RABGAP1L: variants seen among roughly 807,000 people sequenced by gnomAD.
RABGAP1L encodes RAB GTPase activating protein 1 like, also known as rab GTPase-activating protein 1-like.
Under a neutral mutation model 137.7 loss-of-function variants are expected in RABGAP1L, and 63 were observed. That is an observed-to-expected ratio of 0.46 (90% confidence interval 0.37 to 0.56). RABGAP1L has a LOEUF of 0.56. Ranked by LOEUF, RABGAP1L falls within the 20% of genes least tolerant of loss-of-function variation. The pLI is 0.00. For synonymous variants in RABGAP1L, 431 were observed against 433.7 expected, an observed-to-expected ratio of 0.99 and a Z score of 0.08; for missense variants, 1,095 against 1,244.0, an observed-to-expected ratio of 0.88 and a Z score of 1.80.
At chr1:174,650,500 C>T (rs1222812604) in intron 14 of RABGAP1L, among the ~76,000 whole-genome samples, 1 of 150,210 alleles carries the variant, frequency 6.7e-6, no homozygotes, top group African/African-American at 2.4e-5. Flanking sequence ...TGATTATTGC[C>T]ACAATTTCAG....
intron 1 of RABGAP1L, among the ~76,000 whole-genome samples, chr1:174,182,535 G>T (rs1030714278): frequency 2.0e-5 from 3 of 152,146 alleles, no homozygotes; most frequent in African/African-American, 2.4e-5. Flanking sequence ...GTAGGTTTTA[G>T]TCAAAAGATG....
chr1:174,196,077 C>T (rs1266938402), intron 1 of RABGAP1L, among the ~76,000 whole-genome samples: 4 of 151,622 alleles, frequency 2.6e-5, no homozygotes, highest in African/African-American at 9.7e-5. Flanking sequence ...CCTCGTGATC[C>T]GCCCACCTTG....
chr1:174,603,692 A>G (rs560230881), intron 13 of RABGAP1L, among the ~76,000 whole-genome samples: 7 of 152,106 alleles, frequency 4.6e-5, no homozygotes, highest in African/African-American at 1.2e-4. Context: ...GCACAGCACT[A>G]GTTCTCACCC....
chr1:174,397,306 A>G (rs1647988045), intron 13 of RABGAP1L, among the ~76,000 whole-genome samples: 2 of 152,104 alleles, frequency 1.3e-5, no homozygotes, highest in African/African-American at 4.8e-5. Flanking sequence ...CAAAAGCCAT[A>G]TTTTCTCTGG....
intron 14 of RABGAP1L, among the ~76,000 whole-genome samples, chr1:174,659,293 C>T (rs771835216): frequency 1.3e-5 from 2 of 151,178 alleles, no homozygotes; most frequent in Non-Finnish European, 2.9e-5. Context: ...TTACTGATTC[C>T]TCTCTTCTTA....
At chr1:174,449,028 C>T (rs1235074026) in intron 13 of RABGAP1L, 1 of 1,613,776 alleles carries the variant, frequency 6.2e-7, no homozygotes, top group East Asian at 2.2e-5. Flanking sequence ...ACCTGGCTTG[C>T]AATAAGTAAT....
chr1:174,516,928 A>AAAATAAAT (rs147145926), intron 13 of RABGAP1L, among the ~76,000 whole-genome samples: 26,536 of 140,914 alleles, frequency 0.19, 2,772 homozygotes, highest in South Asian at 0.28. Context: ...CTCTGTCTCA[A>AAAATAAAT]AAATAAATAA....
intron 5 of RABGAP1L, among the ~76,000 whole-genome samples, chr1:174,246,517 A>G (rs1233732601): frequency 6.6e-6 from 1 of 152,196 alleles, no homozygotes; most frequent in Admixed American, 6.5e-5. Flanking sequence ...ATATTTGATA[A>G]AAATGTATGG....
intron 18 of RABGAP1L, among the ~76,000 whole-genome samples, chr1:174,758,497 C>T (rs977375635): frequency 6.6e-6 from 1 of 151,966 alleles, no homozygotes; most frequent in Non-Finnish European, 1.5e-5. Context: ...ACTTTGTATG[C>T]TTTTGCATAC....
At chr1:174,782,967 C>A (rs148777084) in intron 18 of RABGAP1L, among the ~76,000 whole-genome samples, 2 of 152,136 alleles carry the variant, frequency 1.3e-5, no homozygotes, top group African/African-American at 4.8e-5. Context: ...CCTTTGGGTC[C>A]CCTCCCATTG....
chr1:174,380,739 G>A lies in RABGAP1L; in HGVS notation c.1559+9667G>A, dbSNP rs1285795629. On this transcript the variant is annotated intron_variant, in intron 12 of 25. Transcript: ENST00000681986. ...TTTTGTTGATCCTTTCAAAAAACCAGCTCCTGGATTCATTGATTTTTTGAA... is the reference window on the plus strand; with the variant it reads ...TTTTGTTGATCCTTTCAAAAAACCAACTCCTGGATTCATTGATTTTTTGAA... Among the ~76,000 whole-genome samples the A allele has an allele frequency of 4.5e-4, 54 of 118,816 alleles. 1 individual carries two copies. The highest frequency in any genetic ancestry group is 1.1e-3 in the Admixed American group (12 of 11,354). 77.9% of individuals were successfully genotyped at this position (118,816 alleles called of 152,430 possible).
chr1:174,902,600 G>A (rs1423579777), intron 19 of RABGAP1L, among the ~76,000 whole-genome samples: 1 of 152,212 alleles, frequency 6.6e-6, no homozygotes, highest in Non-Finnish European at 1.5e-5. Flanking sequence ...ATAGCTCTGT[G>A]TATCAGACCC....
chr1:174,390,123 T>C (rs1687102946), intron 12 of RABGAP1L, among the ~76,000 whole-genome samples: 1 of 152,226 alleles, frequency 6.6e-6, no homozygotes, highest in Non-Finnish European at 1.5e-5. Flanking sequence ...TTATTAGTAC[T>C]TCTCAAGTGA....
intron 13 of RABGAP1L, among the ~76,000 whole-genome samples, chr1:174,517,680 C>T (rs1355314144): frequency 2.6e-5 from 4 of 152,102 alleles, no homozygotes; most frequent in African/African-American, 7.2e-5. Context: ...CAGATGTACC[C>T]CATTCTACTC....
At chr1:174,643,862 A>AC (rs1176153286) in intron 14 of RABGAP1L, among the ~76,000 whole-genome samples, 5 of 152,072 alleles carry the variant, frequency 3.3e-5, no homozygotes, top group Admixed American at 6.6e-5. Flanking sequence ...ATATATGCAC[A>AC]CACATATAAA....
chr1:174,793,908 G>T (rs890578111), intron 18 of RABGAP1L, among the ~76,000 whole-genome samples: 3 of 152,100 alleles, frequency 2.0e-5, no homozygotes, highest in African/African-American at 4.8e-5. Flanking sequence ...TGTTGGCCAG[G>T]TTGGTCTCAA....
At chr1:174,919,798 G>A (rs1248219066) in intron 19 of RABGAP1L, among the ~76,000 whole-genome samples, 1 of 152,210 alleles carries the variant, frequency 6.6e-6, no homozygotes, top group Non-Finnish European at 1.5e-5. Flanking sequence ...TCAGGCTGCA[G>A]TGAGCTATGA....
At chr1:174,852,448 T>G (rs1648530101) in intron 19 of RABGAP1L, among the ~76,000 whole-genome samples, 1 of 152,226 alleles carries the variant, frequency 6.6e-6, no homozygotes, top group Non-Finnish European at 1.5e-5. Flanking sequence ...AGGGACTTGT[T>G]GTAAGCCTGC....
At chr1:174,445,733 A>T (rs897148998) in intron 13 of RABGAP1L, among the ~76,000 whole-genome samples, 1 of 152,196 alleles carries the variant, frequency 6.6e-6, no homozygotes, top group Non-Finnish European at 1.5e-5. Flanking sequence ...GCATTAGATT[A>T]CTGCTGACTT....
Sources: allele counts gnomAD v4.1 joint callset (sites outside exome capture counted in the v4.1 genomes callset), GRCh38; gene constraint gnomAD v4.1.1; transcripts MANE v1.5; gene names NCBI Gene and HGNC (gene_info 2026-07-23, HGNC 2026-07-21).